Variants in LRBA observed in about 807,000 individuals in gnomAD.
LRBA encodes lipopolysaccharide-responsive and beige-like anchor protein.
In LRBA, 176 loss-of-function variants were observed where a neutral mutation model predicts 330.0. The ratio of observed to expected loss-of-function variants is 0.53; its 90% CI spans 0.47 to 0.60. The LOEUF (loss-of-function observed/expected upper bound fraction) is 0.60, where lower values mean the gene tolerates loss of function less well. LRBA is among the 20% of genes least tolerant of loss of function. The pLI is 0.00. For synonymous variants in LRBA, 1,230 were observed against 1,193.0 expected (o/e 1.03, Z -0.64); for missense variants, 3,259 against 3,444.8 (o/e 0.95, Z 1.35).
At chr4:150,950,110 G>A (rs1025191026) in intron 2 of LRBA, among the ~76,000 whole-genome samples, 2 of 152,048 alleles carry the variant, frequency 1.3e-5, no homozygotes, top group African/African-American at 2.4e-5. Context: ...TTCATACAGA[G>A]AACCTTTTTA....
At chr4:150,780,885 A>G (rs1738130210) in intron 34 of LRBA, among the ~76,000 whole-genome samples, 1 of 151,378 alleles carries the variant, frequency 6.6e-6, no homozygotes, top group Non-Finnish European at 1.5e-5. Flanking sequence ...TTATTTATTT[A>G]TTTATTTATT....
intron 37 of LRBA, among the ~76,000 whole-genome samples, chr4:150,642,161 A>T (rs1326626856): frequency 6.6e-6 from 1 of 152,000 alleles, no homozygotes; most frequent in African/African-American, 2.4e-5. Context: ...GCATCAAGAC[A>T]CACCAATGAG....
At chr4:150,934,473 G>A (rs982688776) in intron 2 of LRBA, among the ~76,000 whole-genome samples, 1 of 152,194 alleles carries the variant, frequency 6.6e-6, no homozygotes, top group Non-Finnish European at 1.5e-5. Flanking sequence ...CAGTATGCCA[G>A]GCCCTGAGGA....
At chr4:150,614,526 G>T (rs950306165) in intron 37 of LRBA, among the ~76,000 whole-genome samples, 1 of 152,106 alleles carries the variant, frequency 6.6e-6, no homozygotes, top group Non-Finnish European at 1.5e-5. Flanking sequence ...ATGATACAAG[G>T]TAGGCAATAA....
chr4:150,550,088 T>C (rs1382307632), intron 40 of LRBA, among the ~76,000 whole-genome samples: 1 of 152,168 alleles, frequency 6.6e-6, no homozygotes, highest in Non-Finnish European at 1.5e-5. Context: ...AGCTCATTAG[T>C]TTTAGCAAAT....
chr4:150,879,364 A>T (rs1229043058), intron 17 of LRBA, among the ~76,000 whole-genome samples: 1 of 152,200 alleles, frequency 6.6e-6, no homozygotes, highest in Non-Finnish European at 1.5e-5. Flanking sequence ...GAAGGAACAT[A>T]CATCAAAATA....
intron 51 of LRBA, among the ~76,000 whole-genome samples, chr4:150,313,851 T>C (rs1731383751): frequency 6.7e-6 from 1 of 148,874 alleles, no homozygotes; most frequent in African/African-American, 2.4e-5. Context: ...TATATATATA[T>C]ATATATATAT....
At chr4:150,533,396 A>C (rs781199593) in intron 40 of LRBA, among the ~76,000 whole-genome samples, 1 of 151,760 alleles carries the variant, frequency 6.6e-6, no homozygotes, top group Non-Finnish European at 1.5e-5. Context: ...CTGTTCTCTA[A>C]CTCCTGAGCT....
At chr4:150,805,183 GGAAGGAAGGAAGGCA>G (rs1165331573) in intron 33 of LRBA, among the ~76,000 whole-genome samples, 1 of 126,822 alleles carries the variant, frequency 7.9e-6, no homozygotes, top group African/African-American at 3.3e-5. Context: ...AAAAAAAAAA[GGAAGGAAGGAAGGCA>G]GAAGGAAGGA....
intron 40 of LRBA, among the ~76,000 whole-genome samples, chr4:150,550,552 T>G (rs1044136879): frequency 2.8e-4 from 42 of 152,216 alleles, no homozygotes; most frequent in African/African-American, 9.2e-4. Flanking sequence ...AGTGTGTATA[T>G]AAATATCTCA....
At position 150,436,446 on chromosome 4, in the gene LRBA, G is replaced by C. The variant is rs62348580; in HGVS notation, c.6921+278C>G. ...AACTTACTTAGTTCTTATTTTAATA[G>C]ACTACATTTTAAAAGAATTTATGCT... On this transcript the variant is annotated intron_variant, in intron 45 of 56. Coordinates refer to ENST00000651943, the MANE Select transcript of LRBA (RefSeq NM_001364905.1). Among the ~76,000 whole-genome samples, 33,052 of 151,942 alleles carry C rather than the reference G, an allele frequency of 0.22. 4,419 individuals carry two copies. Among genetic ancestry groups the C allele is most frequent in the Non-Finnish European group, 0.31 (20,732 of 67,918 alleles).
chr4:151,014,750 C>T lies in LRBA; in HGVS notation c.-108G>A. 1 of 708,296 alleles carries T rather than the reference C, an allele frequency of 1.4e-6. No individual in the cohort carries two copies. The highest frequency in any genetic ancestry group is 2.4e-6 in the Non-Finnish European group (1 of 424,232). 43.9% of individuals were successfully genotyped at this position (708,296 alleles called of 1,614,324 possible). A position where few individuals can be genotyped will look rare whatever the true frequency, so the allele number is the denominator to read the frequency against. On this transcript the variant is annotated 5_prime_UTR_variant, in exon 2 of 57. Transcript: ENST00000651943. ...CAAAACGAAAGGGTCCCTCTTCCAA[C>T]TTGTGGAGATACCCCAAAGCAGTTG...
At chr4:150,763,991 A>G (rs901141595) in intron 34 of LRBA, among the ~76,000 whole-genome samples, 2 of 152,028 alleles carry the variant, frequency 1.3e-5, no homozygotes, top group Non-Finnish European at 2.9e-5. Flanking sequence ...TATACCTAAC[A>G]TAACATTCTT....
At chr4:150,769,701 A>G (rs1736292507) in intron 34 of LRBA, among the ~76,000 whole-genome samples, 1 of 152,196 alleles carries the variant, frequency 6.6e-6, no homozygotes, top group African/African-American at 2.4e-5. Flanking sequence ...AAAGACTCTC[A>G]CAGATACAGC....
chr4:150,656,301 T>C (rs1023571104), intron 37 of LRBA, among the ~76,000 whole-genome samples: 3 of 152,236 alleles, frequency 2.0e-5, no homozygotes, highest in Non-Finnish European at 4.4e-5. Flanking sequence ...AGTAGCAAAA[T>C]GATGAACTGA....
chr4:150,844,858 C>T (rs1034027448), intron 26 of LRBA, 79 bp from the exon 27 acceptor site: 4 of 1,116,352 alleles, frequency 3.6e-6, no homozygotes, highest in Admixed American at 1.9e-5. Context: ...ATCAACTACA[C>T]AATATGATTT....
chr4:150,600,859 G>C (rs1341591155), intron 37 of LRBA, among the ~76,000 whole-genome samples: 1 of 152,152 alleles, frequency 6.6e-6, no homozygotes, highest in African/African-American at 2.4e-5. Flanking sequence ...TGTGTGTATG[G>C]CTTTGATAGT....
intron 37 of LRBA, 67 bp from the exon 38 acceptor site, chr4:150,599,198 G>A (rs1463843046): frequency 1.2e-5 from 19 of 1,555,240 alleles, no homozygotes; most frequent in Non-Finnish European, 1.5e-5. Context: ...CTGAATTTCT[G>A]CATAAAGCTC....
At chr4:150,295,193 GCTTT>G (rs1728820010) in intron 53 of LRBA, among the ~76,000 whole-genome samples, 1 of 110,190 alleles carries the variant, frequency 9.1e-6, no homozygotes, top group African/African-American at 3.7e-5. Flanking sequence ...AATTAAAATA[GCTTT>G]TTTTTTTTTT....
Sources: allele counts gnomAD v4.1 joint callset (sites outside exome capture counted in the v4.1 genomes callset), GRCh38; gene constraint gnomAD v4.1.1; transcripts MANE v1.5; gene names NCBI Gene and HGNC (gene_info 2026-07-23, HGNC 2026-07-21).